The following CAMTA1 variants were observed in gnomAD, a reference collection of about 807,000 sequenced individuals.
The protein encoded by CAMTA1 is calmodulin-binding transcription activator 1.
CAMTA1 carries 27 observed loss-of-function variants against 170.9 expected under a neutral mutation model. The ratio of observed to expected loss-of-function variants is 0.16; its 90% CI spans 0.12 to 0.22. The LOEUF (loss-of-function observed/expected upper bound fraction) is 0.22. Among genes scored for constraint, CAMTA1 ranks in the 10% least tolerant of loss-of-function variants. CAMTA1 has a pLI of 1.00. For synonymous variants in CAMTA1, 833 were observed against 891.5 expected (o/e 0.93, Z 1.17); for missense variants, 1,619 against 2,217.2 (o/e 0.73, Z 5.42).
In CAMTA1 at chr1:7,234,523, G is replaced by C. The variant is rs1558286310; in HGVS notation, c.303-14968G>C. On this transcript the variant is annotated intron_variant, in intron 4 of 22. Transcript: ENST00000303635. This position sits in a 1 kb window ranked among gnomAD's most constrained non-coding sequence, Gnocchi z 5.0. ...AGGGCTGTGGCACCCTCAGCACCCG[G>C]CGTGAATGCTCAGCCGTGATAGCTG... Among the ~76,000 whole-genome samples, 1 of 152,206 alleles carries C rather than the reference G, an allele frequency of 6.6e-6. No individual in the cohort carries two copies. The highest frequency in any genetic ancestry group is 1.5e-5 in the Non-Finnish European group (1 of 68,044).
At chr1:7,108,625 G>A (rs72640099) in intron 4 of CAMTA1, among the ~76,000 whole-genome samples, 3 of 152,180 alleles carry the variant, frequency 2.0e-5, no homozygotes, top group Non-Finnish European at 4.4e-5. Context: ...AGAAAGAAGA[G>A]CATTTTAAAT....
At chr1:6,877,904 A>G (rs931186251) in intron 3 of CAMTA1, among the ~76,000 whole-genome samples, 1 of 152,216 alleles carries the variant, frequency 6.6e-6, no homozygotes, top group African/African-American at 2.4e-5. Context: ...TACCTGCTCT[A>G]GTTCACCTTG....
At chr1:7,356,316 G>T (rs540138212) in intron 5 of CAMTA1, among the ~76,000 whole-genome samples, 1 of 152,242 alleles carries the variant, frequency 6.6e-6, no homozygotes, top group African/African-American at 2.4e-5. Flanking sequence ...GCCCTTGGCC[G>T]ACAGGCTGGG....
At chr1:7,302,040 C>T (rs1332135265) in intron 5 of CAMTA1, among the ~76,000 whole-genome samples, 7 of 152,184 alleles carry the variant, frequency 4.6e-5, no homozygotes, top group African/African-American at 7.2e-5. Flanking sequence ...TCGATCAGGA[C>T]GCTGGTCTTT....
At chr1:7,059,497 G>A (rs1446682203) in intron 3 of CAMTA1, among the ~76,000 whole-genome samples, 1 of 152,108 alleles carries the variant, frequency 6.6e-6, no homozygotes, top group East Asian at 1.9e-4. Context: ...ATGCACACCT[G>A]TAGTCCCAGC....
Position 6,905,012 on chromosome 1 carries a change from A to G in CAMTA1, c.234+79802A>G, listed in dbSNP as rs1407892589. ...CTGTGTGTCCTGAGGCCAGTGGCCC[A>G]CGCTTGCCACTCTGGGGTCCGCTCT... On this transcript the variant is annotated intron_variant, in intron 3 of 22. Transcript: ENST00000303635. 2.0e-5 allele frequency among the ~76,000 whole-genome samples: 3 copies of G among 152,026 alleles called. No individual in the cohort carries two copies. In the East Asian group the frequency reaches 5.8e-4, roughly 29 times the overall value.
chr1:7,611,899 C>A (rs898127583), intron 6 of CAMTA1, among the ~76,000 whole-genome samples: 1 of 152,236 alleles, frequency 6.6e-6, no homozygotes, highest in African/African-American at 2.4e-5. Context: ...GTTCCCTGAC[C>A]CCGTCAAGAG....
chr1:7,260,414 T>A (rs1165576424), intron 5 of CAMTA1, among the ~76,000 whole-genome samples: 1 of 152,256 alleles, frequency 6.6e-6, no homozygotes, highest in Admixed American at 6.5e-5. Context: ...TCTTGAATTG[T>A]CCTCAGCCTG....
intron 3 of CAMTA1, among the ~76,000 whole-genome samples, chr1:7,026,778 G>A (rs555621780): frequency 5.9e-5 from 9 of 151,778 alleles, no homozygotes; most frequent in Non-Finnish European, 1.2e-4. Flanking sequence ...CTACAAGCAC[G>A]TGCCACCACA....
chr1:7,488,508 TAC>T (rs1336193349), intron 6 of CAMTA1, among the ~76,000 whole-genome samples: 1 of 151,766 alleles, frequency 6.6e-6, no homozygotes, highest in Non-Finnish European at 1.5e-5. Flanking sequence ...CACACGCACA[TAC>T]ACACACATGT....
intron 16 of CAMTA1, among the ~76,000 whole-genome samples, chr1:7,739,743 A>G (rs547122271): frequency 4.6e-5 from 7 of 152,326 alleles, no homozygotes; most frequent in African/African-American, 1.4e-4. Context: ...CCCGTGATTC[A>G]GTTATCTCCC....
chr1:7,303,771 C>G (rs534702555), intron 5 of CAMTA1, among the ~76,000 whole-genome samples: 1 of 152,334 alleles, frequency 6.6e-6, no homozygotes, highest in South Asian at 2.1e-4. Flanking sequence ...GTGGCTGCAA[C>G]TTTAAATCCA....
At chr1:7,313,530 C>T (rs893713509) in intron 5 of CAMTA1, among the ~76,000 whole-genome samples, 4 of 152,134 alleles carry the variant, frequency 2.6e-5, no homozygotes, top group Non-Finnish European at 4.4e-5. Context: ...CGGCCCTTCT[C>T]CAGACACTGT....
rs1377369169 is a variant in CAMTA1 at position 7,431,271 on chromosome 1, T to G, written c.439-36559T>G. On this transcript the variant is annotated intron_variant, in intron 5 of 22. Coordinates refer to ENST00000303635, the MANE Select transcript of CAMTA1 (RefSeq NM_015215.4). ...GTCTCCTTTGAGATCGATCAGCAGC[T>G]GGGTCCTCAAGGAGCCTGGCCAGGA... Among the ~76,000 whole-genome samples, 5 of 152,336 alleles carry G rather than the reference T, an allele frequency of 3.3e-5. No homozygotes were observed. In the East Asian group the frequency reaches 9.6e-4, roughly 29 times the overall value.
intron 5 of CAMTA1, among the ~76,000 whole-genome samples, chr1:7,417,889 C>T (rs949784173): frequency 3.3e-5 from 5 of 152,130 alleles, no homozygotes; most frequent in Non-Finnish European, 2.9e-5. Flanking sequence ...GCTATAGACC[C>T]GAGCTGTTCC....
At chr1:7,615,224 G>T (rs1026267103) in intron 6 of CAMTA1, among the ~76,000 whole-genome samples, 1 of 152,230 alleles carries the variant, frequency 6.6e-6, no homozygotes. Flanking sequence ...AGAACCCACA[G>T]TGCTGTGGTC....
intron 5 of CAMTA1, among the ~76,000 whole-genome samples, chr1:7,304,049 C>G (rs985869165): frequency 2.0e-5 from 3 of 148,710 alleles, no homozygotes; most frequent in African/African-American, 7.3e-5. Flanking sequence ...TAGAAGTTCT[C>G]AAGGGCTGGG....
chr1:7,447,047 C>T (rs11120930), intron 5 of CAMTA1, among the ~76,000 whole-genome samples: 8,223 of 152,132 alleles, frequency 0.054, 762 homozygotes, highest in African/African-American at 0.19. Flanking sequence ...AGGTGGAGAC[C>T]GTCCCGTGCA....
At chr1:7,386,033 C>A (rs2087929362) in intron 5 of CAMTA1, among the ~76,000 whole-genome samples, 2 of 152,164 alleles carry the variant, frequency 1.3e-5, no homozygotes, top group African/African-American at 4.8e-5. Flanking sequence ...CCAGGCTCCT[C>A]CGCTCCCCCA....
Sources: allele counts gnomAD v4.1 joint callset (sites outside exome capture counted in the v4.1 genomes callset), GRCh38; gene constraint gnomAD v4.1.1; non-coding constraint Gnocchi (gnomAD v3.1); transcripts MANE v1.5; gene names NCBI Gene and HGNC (gene_info 2026-07-23, HGNC 2026-07-21).